Variants in GRIK4 observed in about 807,000 individuals in gnomAD.
The protein encoded by GRIK4 is glutamate receptor ionotropic, kainate 4.
GRIK4 carries 40 observed loss-of-function variants against 104.9 expected under a neutral mutation model. The observed-to-expected ratio is 0.38, with a 90% CI of 0.30 to 0.50. GRIK4 has a LOEUF of 0.50. Ranked by LOEUF, GRIK4 falls within the 20% of genes least tolerant of loss-of-function variation. The pLI is 0.93. For synonymous variants in GRIK4, 485 were observed against 524.9 expected, an observed-to-expected ratio of 0.92 and a Z score of 1.04; for missense variants, 1,047 against 1,308.1, an observed-to-expected ratio of 0.80 and a Z score of 3.08.
intron 3 of GRIK4, among the ~76,000 whole-genome samples, chr11:120,711,802 C>G (rs1950738698): frequency 6.6e-6 from 1 of 152,216 alleles, no homozygotes; most frequent in Non-Finnish European, 1.5e-5. Flanking sequence ...CCCCAGTGCC[C>G]TCAGGCCAGG....
At chr11:120,715,363 C>T (rs1591828890) in intron 3 of GRIK4, among the ~76,000 whole-genome samples, 1 of 152,090 alleles carries the variant, frequency 6.6e-6, no homozygotes, top group Admixed American at 6.5e-5. Flanking sequence ...TTTGAGCATC[C>T]GTTGTCGGAA....
At position 120,694,953 on chromosome 11, in the gene GRIK4, A is replaced by G. The variant is rs549688648; in HGVS notation, c.82+34553A>G. 2.6e-5 allele frequency among the ~76,000 whole-genome samples: 4 copies of G among 152,190 alleles called. No individual in the cohort carries two copies. In the South Asian group the frequency reaches 8.3e-4, roughly 32 times the overall value. Reference sequence around the variant, plus strand: ...CTAGATTATCATTCTTGGCTTCATCACAGGAACCTGATTATTTCCTTTTCC... The same window carrying G: ...CTAGATTATCATTCTTGGCTTCATCGCAGGAACCTGATTATTTCCTTTTCC... On this transcript the variant is annotated intron_variant, in intron 3 of 20. Transcript: ENST00000527524.
intron 9 of GRIK4, 102 bp from the exon 10 acceptor site, chr11:120,873,964 T>C: frequency 9.2e-7 from 1 of 1,089,912 alleles, no homozygotes. Context: ...TTTCTTTTGC[T>C]TTCTCTTTTC....
intron 3 of GRIK4, among the ~76,000 whole-genome samples, chr11:120,756,046 A>G (rs1316365907): frequency 6.6e-6 from 1 of 152,176 alleles, no homozygotes; most frequent in Non-Finnish European, 1.5e-5. Context: ...ACCTGACTGG[A>G]TCCCAGCAGT....
At chr11:120,702,676 G>A (rs1950571667) in intron 3 of GRIK4, among the ~76,000 whole-genome samples, 1 of 152,178 alleles carries the variant, frequency 6.6e-6, no homozygotes, top group Non-Finnish European at 1.5e-5. Context: ...AAGGGAAGAA[G>A]TGATCAGTGT....
rs35001787 is a variant in GRIK4 at position 120,688,963 on chromosome 11, A to AAAG, written c.82+28565_82+28567dup. ...CACCAGGTCTTGGGAAAACAGAGAT[A>AAAG]AAGACCAAAGTCCTACCCTTCAGGA... On this transcript the variant is annotated intron_variant, in intron 3 of 20. Transcript: ENST00000527524. Among the ~76,000 whole-genome samples, 1,426 of 152,264 alleles carry AAAG rather than the reference A, an allele frequency of 9.4e-3. 12 individuals are homozygous for AAAG. The highest frequency in any genetic ancestry group is 0.014 in the Non-Finnish European group (982 of 68,024).
At chr11:120,948,826 C>T (rs537669347) in intron 14 of GRIK4, among the ~76,000 whole-genome samples, 16 of 152,312 alleles carry the variant, frequency 1.1e-4, no homozygotes, top group African/African-American at 3.6e-4. Flanking sequence ...AACATACATA[C>T]AGCTCTATGA....
Position 120,940,492 on chromosome 11 carries a change from A to T in GRIK4, c.1590+32A>T, listed in dbSNP as rs779649911. ...GACTTATTTTATAAGCATTTATGTC[A>T]TTAAAGTTATTTGCATGCAAACACT... On this transcript the variant is annotated intron_variant, in intron 14 of 20. Transcript: ENST00000527524. The surrounding 1 kb of genome is among the most constrained non-coding windows in gnomAD (Gnocchi z 4.3). 8.3e-7 allele frequency: 1 copy of T among 1,208,624 alleles called. No homozygotes were observed. The highest frequency in any genetic ancestry group is 1.2e-6 in the Non-Finnish European group (1 of 816,818). 74.9% of individuals were successfully genotyped at this position (1,208,624 alleles called of 1,614,324 possible).
At chr11:120,815,667 G>A (rs1195532893) in intron 5 of GRIK4, among the ~76,000 whole-genome samples, 192 bp downstream of exon 5, 2 of 152,188 alleles carry the variant, frequency 1.3e-5, no homozygotes, top group Non-Finnish European at 1.5e-5. Flanking sequence ...GAGGGGTCTC[G>A]GAGGAGGTGT....
At chr11:120,522,775 A>G (rs1947810929) in intron 1 of GRIK4, among the ~76,000 whole-genome samples, 1 of 152,208 alleles carries the variant, frequency 6.6e-6, no homozygotes, top group South Asian at 2.1e-4. Flanking sequence ...GGCCAGGAAG[A>G]CAACAGCCTG....
At chr11:120,531,537 A>G (rs200705712) in intron 1 of GRIK4, among the ~76,000 whole-genome samples, 1 of 152,016 alleles carries the variant, frequency 6.6e-6, no homozygotes, top group South Asian at 2.1e-4. Context: ...GGTCTGCCCA[A>G]GGTCATGGTT....
chr11:120,566,942 C>A (rs528992263), intron 1 of GRIK4, among the ~76,000 whole-genome samples: 1 of 146,136 alleles, frequency 6.8e-6, no homozygotes, highest in Non-Finnish European at 1.5e-5. Flanking sequence ...GTCCTGACCT[C>A]GTGTTCCGCC....
intron 14 of GRIK4, among the ~76,000 whole-genome samples, chr11:120,943,039 A>G (rs189710173): frequency 2.0e-5 from 3 of 150,568 alleles, no homozygotes; most frequent in African/African-American, 7.3e-5. Flanking sequence ...AGCCCCCACA[A>G]TCCTGTGAGC....
chr11:120,842,940 A>T (rs370347100), intron 8 of GRIK4, among the ~76,000 whole-genome samples: 70 of 152,398 alleles, frequency 4.6e-4, no homozygotes, highest in African/African-American at 1.7e-3. Flanking sequence ...ATTATCCAGC[A>T]ACTAATGAAC....
intron 8 of GRIK4, among the ~76,000 whole-genome samples, chr11:120,846,051 C>T (rs1953845142): frequency 6.6e-6 from 1 of 152,138 alleles, no homozygotes; most frequent in Non-Finnish European, 1.5e-5. Flanking sequence ...AGCTGCTAAC[C>T]CTCCTGTACC....
At chr11:120,599,071 C>T (rs1948845449) in intron 1 of GRIK4, among the ~76,000 whole-genome samples, 1 of 152,234 alleles carries the variant, frequency 6.6e-6, no homozygotes, top group South Asian at 2.1e-4. Flanking sequence ...TTCACAGCTC[C>T]TGGTCCTGTA....
chr11:120,904,730 T>A (rs1942828046), intron 12 of GRIK4, among the ~76,000 whole-genome samples: 1 of 152,210 alleles, frequency 6.6e-6, no homozygotes, highest in Non-Finnish European at 1.5e-5. Context: ...TGCCTTCCCC[T>A]GGCCCATGCC....
intron 1 of GRIK4, among the ~76,000 whole-genome samples, chr11:120,566,471 C>A (rs139853698): frequency 2.6e-5 from 4 of 152,142 alleles, no homozygotes; most frequent in Non-Finnish European, 4.4e-5. Context: ...CGAAGTTGGG[C>A]CAGCCTACGA....
intron 3 of GRIK4, among the ~76,000 whole-genome samples, chr11:120,732,901 T>G (rs372351885): frequency 5.3e-5 from 8 of 152,226 alleles, no homozygotes; most frequent in African/African-American, 1.7e-4. Context: ...GTTGATTTTC[T>G]TTTTGGAAGA....
Sources: allele counts gnomAD v4.1 joint callset (sites outside exome capture counted in the v4.1 genomes callset), GRCh38; gene constraint gnomAD v4.1.1; non-coding constraint Gnocchi (gnomAD v3.1); transcripts MANE v1.5; gene names NCBI Gene and HGNC (gene_info 2026-07-23, HGNC 2026-07-21).